ICE2: variants seen among roughly 807,000 people sequenced by gnomAD.
ICE2 encodes the protein interactor of little elongation complex ELL subunit 2.
Under a neutral mutation model 105.4 loss-of-function variants are expected in ICE2, and 87 were observed. The observed-to-expected ratio is 0.83, with a 90% CI of 0.69 to 0.99. ICE2 has a LOEUF of 0.99. ICE2 is among the 50% of genes least tolerant of loss of function. The pLI is 0.00. For synonymous variants in ICE2, 399 were observed against 392.0 expected (o/e 1.02, Z -0.21); for missense variants, 1,323 against 1,146.7 (o/e 1.15, Z -2.22).
chr15:60,432,177 T>A (rs1286370192), intron 13 of ICE2, among the ~76,000 whole-genome samples, 193 bp from the exon 14 acceptor site: 1 of 147,052 alleles, frequency 6.8e-6, no homozygotes, highest in African/African-American at 2.6e-5. Context: ...TTAAAAAAAA[T>A]TTCCTTTTTT....
chr15:60,474,019 G>A (rs928240144), intron 3 of ICE2, among the ~76,000 whole-genome samples: 3 of 152,006 alleles, frequency 2.0e-5, no homozygotes, highest in African/African-American at 4.8e-5. Context: ...AGTGATCCTC[G>A]TGCCTCAGCC....
rs758492900 is a variant in ICE2 at position 60,449,124 on chromosome 15, C to A, written c.1843G>T (p.Val615Leu). Residue 615 changes from valine (V) to leucine (L), a missense_variant, in exon 10 of 16, where the codon GTA (valine) becomes TTA (leucine). Physicochemically the swap from Val to Leu is conservative, Grantham distance 32. Transcript: ENST00000261520. ...CAAGCAGTATTAGTCTGGTTTCCTACAGAAGCCTGTCCTGAGGAAGAATTT... is the reference window on the plus strand; with the variant it reads ...CAAGCAGTATTAGTCTGGTTTCCTAAAGAAGCCTGTCCTGAGGAAGAATTT... ...SPNSSSGQASVGNQTNTACSP... is the reference protein window; with the variant it reads ...SPNSSSGQASLGNQTNTACSP... 4.3e-6 allele frequency: 7 copies of A among 1,614,060 alleles called. No homozygotes were observed. The highest frequency in any genetic ancestry group is 5.9e-6 in the Non-Finnish European group (7 of 1,179,964).
At position 60,442,347 on chromosome 15, in the gene ICE2, C is replaced by T. The variant is rs568615865; in HGVS notation, c.2425+69G>A. 6 of 1,384,834 alleles carry T rather than the reference C, an allele frequency of 4.3e-6. No individual in the cohort carries two copies. The South Asian group carries it at 7.7e-5, about 18-fold the overall frequency. 85.8% of individuals were successfully genotyped at this position (1,384,834 alleles called of 1,614,324 possible). ...AAAAAGGGCAGAATAGAAGTATTCACAATTGAATTTACAAGTATGTAATTA... is the reference window on the plus strand; with the variant it reads ...AAAAAGGGCAGAATAGAAGTATTCATAATTGAATTTACAAGTATGTAATTA... On this transcript the variant is annotated intron_variant, in intron 12 of 15. Transcript: ENST00000261520.
chr15:60,464,878 C>A (rs2064378853), intron 5 of ICE2, among the ~76,000 whole-genome samples: 1 of 152,152 alleles, frequency 6.6e-6, no homozygotes, highest in Non-Finnish European at 1.5e-5. Context: ...GTGGCATATG[C>A]CCATGTCCTT....
chr15:60,450,896 A>G (rs1389220092), intron 9 of ICE2, among the ~76,000 whole-genome samples: 1 of 152,244 alleles, frequency 6.6e-6, no homozygotes, highest in African/African-American at 2.4e-5. Context: ...GTAAAAAAGT[A>G]TAATTAAACT....
intron 5 of ICE2, among the ~76,000 whole-genome samples, chr15:60,465,563 A>G (rs2064399686): frequency 6.6e-6 from 1 of 152,104 alleles, no homozygotes; most frequent in East Asian, 1.9e-4. Context: ...TTTTTAAGCT[A>G]CGGTAAAATT....
intron 3 of ICE2, 22 bp downstream of exon 3, chr15:60,476,041 A>C: frequency 6.9e-7 from 1 of 1,454,902 alleles, no homozygotes; most frequent in Non-Finnish European, 9.4e-7. Context: ...TATGGAAATA[A>C]ATAACCAAAT....
At chr15:60,444,770 C>T (rs182528842) in intron 11 of ICE2, among the ~76,000 whole-genome samples, 4 of 152,202 alleles carry the variant, frequency 2.6e-5, no homozygotes, top group Admixed American at 6.5e-5. Flanking sequence ...CTGCAACTTC[C>T]ACCTCCTGGG....
At chr15:60,460,181 T>C (rs895873037) in intron 5 of ICE2, among the ~76,000 whole-genome samples, 6 of 152,058 alleles carry the variant, frequency 3.9e-5, no homozygotes, top group African/African-American at 1.4e-4. Context: ...TACAGATTAA[T>C]GGAACAAAAC....
intron 9 of ICE2, chr15:60,451,981 T>C (rs1305690572): frequency 1.8e-6 from 1 of 565,026 alleles, no homozygotes; most frequent in African/African-American, 2.0e-5. Flanking sequence ...GACATTTTAA[T>C]ATTTGTCCAG....
intron 13 of ICE2, 84 bp from the exon 14 acceptor site, chr15:60,432,068 C>T (rs1011870902): frequency 9.1e-6 from 6 of 656,660 alleles, no homozygotes; most frequent in Non-Finnish European, 1.6e-5. Flanking sequence ...AGAGAAATGC[C>T]CTCAATAACA....
At chr15:60,454,628 T>C (rs932185973) in intron 8 of ICE2, 6 of 160,436 alleles carry the variant, frequency 3.7e-5, no homozygotes, top group African/African-American at 7.2e-5. Flanking sequence ...AGTACTTTGA[T>C]ATCTGACAAC....
At position 60,432,337 on chromosome 15, in the gene ICE2, G is replaced by A. The variant is rs553595395; in HGVS notation, c.2511-353C>T. ...CAAATAGCTGGGACTACAGGCATGC[G>A]CCACCACACCAGGCTGATTTTTTTG... On this transcript the variant is annotated intron_variant, in intron 13 of 15. Transcript: ENST00000261520. 5.3e-5 allele frequency among the ~76,000 whole-genome samples: 8 copies of A among 151,696 alleles called. No individual in the cohort carries two copies. The South Asian group carries it at 6.3e-4, about 12-fold the overall frequency.
intron 11 of ICE2, among the ~76,000 whole-genome samples, chr15:60,446,402 A>C (rs1221173856): frequency 6.6e-6 from 1 of 152,050 alleles, no homozygotes; most frequent in Admixed American, 6.6e-5. Context: ...GCACTTTTTA[A>C]AAATTTTTTT....
rs1284592142 is a variant in ICE2, at chr15:60,453,637, A to AT, written c.1090dup (p.Met364AsnfsTer5). The AT allele has an allele frequency of 6.2e-7, 1 of 1,613,474 alleles. No individual in the cohort carries two copies. Among genetic ancestry groups the AT allele is most frequent in the African/African-American group, 1.3e-5 (1 of 74,924 alleles). ...AGATATAAACTCTTCAGGTTTGTCC[A>AT]TAAAGACTGCAGAGACTGGAACAGA... On this transcript the variant is annotated frameshift_variant, in exon 9 of 16. Coordinates refer to ENST00000261520, the MANE Select transcript of ICE2 (RefSeq NM_024611.6). LOFTEE classifies it high-confidence loss of function.
chr15:60,449,728 T>C lies in ICE2; in HGVS notation c.1239A>G (p.Val413=). The change falls in exon 10 of 16, where the codon GTA becomes GTG. Residue 413 remains valine (V), a synonymous_variant. Coordinates refer to ENST00000261520, the MANE Select transcript of ICE2 (RefSeq NM_024611.6). ...TACTTGCTGGACTTGGTGATTTTGA[T>C]ACTTTGGTGGTGGTTACTCCAAAAG... ...LETFGVTTTK[V]SKSPSPASTS... is the part of the protein sequence containing the mutation. 6.2e-7 allele frequency: 1 copy of C among 1,614,178 alleles called. No individual in the cohort carries two copies. Among genetic ancestry groups the C allele is most frequent in the Non-Finnish European group, 8.5e-7 (1 of 1,180,016 alleles).
chr15:60,456,266 G>A (rs965916458), intron 6 of ICE2, among the ~76,000 whole-genome samples: 1 of 151,204 alleles, frequency 6.6e-6, no homozygotes, highest in African/African-American at 2.4e-5. Flanking sequence ...ACATGAGCCA[G>A]GTGCAGTGGC....
At chr15:60,453,451 C>T (rs1476982338) in intron 9 of ICE2, 152 bp downstream of exon 9, 25 of 1,406,738 alleles carry the variant, frequency 1.8e-5, no homozygotes, top group Non-Finnish European at 2.1e-5. Context: ...AAGTTAGTTG[C>T]CTAAAGTCCA....
chr15:60,455,253 A>G, intron 7 of ICE2, 73 bp downstream of exon 7: 1 of 1,525,520 alleles, frequency 6.6e-7, no homozygotes, highest in Non-Finnish European at 9.0e-7. Flanking sequence ...GGACTTTGGG[A>G]CAATCGGGTT....
Sources: gnomAD v4.1 joint callset for allele counts (sites outside exome capture counted in the v4.1 genomes callset) on GRCh38, gnomAD v4.1.1 for gene constraint, MANE v1.5 for transcripts, NCBI Gene and HGNC (gene_info 2026-07-23, HGNC 2026-07-21) for gene names.